Variants in ARMC2 observed in about 807,000 individuals in gnomAD.
The protein encoded by ARMC2 is armadillo repeat-containing protein 2.
A neutral mutation model predicts 90.3 loss-of-function variants in ARMC2; 67 were observed. That is an observed-to-expected ratio of 0.74 (90% CI 0.61 to 0.91). ARMC2 has a LOEUF of 0.91. Ranked by LOEUF, ARMC2 falls within the 40% of genes least tolerant of loss-of-function variation. The pLI is 0.00. For synonymous variants in ARMC2, 393 were observed against 393.0 expected (o/e 1.00, Z 0.00); for missense variants, 920 against 1,030.9 (o/e 0.89, Z 1.47).
At chr6:108,860,747 G>A (rs1775152690) in intron 3 of ARMC2, among the ~76,000 whole-genome samples, 1 of 151,960 alleles carries the variant, frequency 6.6e-6, no homozygotes, top group Non-Finnish European at 1.5e-5. Flanking sequence ...CTGTAGTTAG[G>A]GGGATCTGAC....
At chr6:109,041,717 C>T in the ARMC2 span, among the ~76,000 whole-genome samples, 30 of 151,996 alleles carry the variant, frequency 2.0e-4, no homozygotes, top group East Asian at 1.5e-3. Context: ...CCTGGTAGTA[C>T]GGAAAGGAGA....
chr6:108,894,593 A>G (rs747851752), intron 6 of ARMC2, 50 bp downstream of exon 6: 1 of 1,503,130 alleles, frequency 6.7e-7, no homozygotes, highest in East Asian at 2.4e-5. Flanking sequence ...CTTGAAGGAA[A>G]GATGTTTGCA....
At chr6:108,891,531 T>A (rs1203621889) in intron 5 of ARMC2, among the ~76,000 whole-genome samples, 1 of 152,280 alleles carries the variant, frequency 6.6e-6, no homozygotes, top group African/African-American at 2.4e-5. Flanking sequence ...AATATATTTG[T>A]TGGCCGCATA....
chr6:109,033,091 G>A, the ARMC2 span, among the ~76,000 whole-genome samples: 3 of 151,774 alleles, frequency 2.0e-5, no homozygotes, highest in Non-Finnish European at 4.4e-5. Context: ...AAAAGTCAAG[G>A]GATTATTAAA....
intron 10 of ARMC2, among the ~76,000 whole-genome samples, chr6:108,924,731 G>C (rs1050113499): frequency 1.3e-5 from 2 of 152,220 alleles, no homozygotes; most frequent in African/African-American, 4.8e-5. Context: ...GGGTGCTACT[G>C]GCTGGGCCGG....
intron 5 of ARMC2, among the ~76,000 whole-genome samples, chr6:108,891,402 C>T (rs1430367954): frequency 6.6e-6 from 1 of 152,250 alleles, no homozygotes; most frequent in African/African-American, 2.4e-5. Flanking sequence ...TCCACATCCT[C>T]TCCAGCATTT....
At chr6:108,871,410 G>A (rs1425474036) in intron 4 of ARMC2, among the ~76,000 whole-genome samples, 1 of 152,098 alleles carries the variant, frequency 6.6e-6, no homozygotes, top group African/African-American at 2.4e-5. Flanking sequence ...TCCCGTGTCA[G>A]CTCAGGTAAA....
intron 2 of ARMC2, among the ~76,000 whole-genome samples, chr6:108,855,731 G>C (rs181405402): frequency 6.6e-6 from 1 of 152,342 alleles, no homozygotes; most frequent in Non-Finnish European, 1.5e-5. Context: ...CATTGACATT[G>C]TCAGTGTTCT....
At chr6:108,854,050 A>G (rs1460248684) in intron 1 of ARMC2, among the ~76,000 whole-genome samples, 175 bp from the exon 2 acceptor site, 1 of 152,004 alleles carries the variant, frequency 6.6e-6, no homozygotes, top group African/African-American at 2.4e-5. Context: ...TTTTTGAGGA[A>G]ATTTTCCTCT....
Position 108,953,136 on chromosome 6 carries a change from T to A in ARMC2, c.1700T>A (p.Leu567Gln). The A allele has an allele frequency of 6.2e-7, 1 of 1,614,068 alleles. No homozygotes were observed. The highest frequency in any genetic ancestry group is 8.5e-7 in the Non-Finnish European group (1 of 1,179,900). Residue 567 changes from leucine (L) to glutamine (Q), a missense_variant, in exon 13 of 18, where the codon CTG becomes CAG. Coordinates refer to ENST00000392644, the MANE Select transcript of ARMC2 (RefSeq NM_032131.6). Reference sequence around the variant, plus strand: ...GAGAAAGGGAGCATCCAAACTCTGCTGTCATTATTCCAGACGTTCCATCAG... The same window carrying A: ...GAGAAAGGGAGCATCCAAACTCTGCAGTCATTATTCCAGACGTTCCATCAG... ...SKEKGSIQTL[L>Q]SLFQTFHQLD...
intron 10 of ARMC2, among the ~76,000 whole-genome samples, chr6:108,919,606 T>C (rs1045305670): frequency 7.9e-5 from 12 of 152,246 alleles, no homozygotes; most frequent in African/African-American, 2.9e-4. Context: ...GATGAGGTTT[T>C]TAATTTTCTT....
At chr6:108,879,224 A>G (rs1308198266) in intron 5 of ARMC2, among the ~76,000 whole-genome samples, 1 of 131,666 alleles carries the variant, frequency 7.6e-6, no homozygotes, top group Non-Finnish European at 1.6e-5. Flanking sequence ...ACCCATCCAT[A>G]TATCTCCCCA....
At chr6:109,022,702 C>G in the ARMC2 span, among the ~76,000 whole-genome samples, 1 of 152,128 alleles carries the variant, frequency 6.6e-6, no homozygotes, top group South Asian at 2.1e-4. Context: ...ACATGAAACA[C>G]CATGCCTGGC....
At chr6:109,015,733 G>C in the ARMC2 span, among the ~76,000 whole-genome samples, 2 of 152,120 alleles carry the variant, frequency 1.3e-5, no homozygotes, top group Admixed American at 6.5e-5. Context: ...GCTACTGAAG[G>C]TTTTAAAGAA....
the ARMC2 span, among the ~76,000 whole-genome samples, chr6:109,041,793 C>T: frequency 1.3e-5 from 2 of 152,214 alleles, no homozygotes; most frequent in South Asian, 4.1e-4. Context: ...GCTAGAACAA[C>T]TAGACAGAAA....
chr6:109,045,480 C>G, the ARMC2 span, among the ~76,000 whole-genome samples: 4,083 of 152,318 alleles, frequency 0.027, 92 homozygotes, highest in South Asian at 0.12. Context: ...CAGATTGCAT[C>G]TCTGCCTATG....
chr6:108,907,826 T>C, intron 8 of ARMC2: 2 of 1,610,308 alleles, frequency 1.2e-6, no homozygotes, highest in East Asian at 4.5e-5. Context: ...CTCCCCCAGT[T>C]TGACCTCCAG....
chr6:109,022,028 A>G, the ARMC2 span, among the ~76,000 whole-genome samples: 1 of 152,038 alleles, frequency 6.6e-6, no homozygotes, highest in South Asian at 2.1e-4. Flanking sequence ...GTGTTAATTA[A>G]GCACCTACTA....
chr6:108,924,510 G>C (rs1009052946), intron 10 of ARMC2, among the ~76,000 whole-genome samples: 4 of 151,786 alleles, frequency 2.6e-5, no homozygotes, highest in South Asian at 4.2e-4. Context: ...AAAAAAATGA[G>C]CAGGAGATGG....
Sources: gnomAD v4.1 joint callset for allele counts (sites outside exome capture counted in the v4.1 genomes callset) on GRCh38, gnomAD v4.1.1 for gene constraint, MANE v1.5 for transcripts, NCBI Gene and HGNC (gene_info 2026-07-23, HGNC 2026-07-21) for gene names.